PPP2R5E: variants seen among roughly 807,000 people sequenced by gnomAD.
PPP2R5E encodes the protein protein phosphatase 2 regulatory subunit B'epsilon, also known as serine/threonine-protein phosphatase 2A 56 kDa regulatory subunit epsilon isoform.
A neutral mutation model predicts 65.3 loss-of-function variants in PPP2R5E; 4 were observed. The ratio of observed to expected loss-of-function variants is 0.06; its 90% CI spans 0.03 to 0.14. PPP2R5E has a LOEUF of 0.14. PPP2R5E is among the 10% of genes least tolerant of loss of function. The pLI is 1.00. For missense variants in PPP2R5E, 274 were observed against 556.1 expected (o/e 0.49, Z 5.10); for synonymous variants, 183 against 187.4 (o/e 0.98, Z 0.19).
intron 2 of PPP2R5E, among the ~76,000 whole-genome samples, chr14:63,529,306 C>T (rs569731530): frequency 6.6e-6 from 1 of 151,822 alleles, no homozygotes; most frequent in Non-Finnish European, 1.5e-5. Flanking sequence ...CCGCCCACCT[C>T]AGCCTCCCAA....
In PPP2R5E at chr14:63,389,723, G is replaced by A. The variant is rs1884897770; in HGVS notation, c.963C>T (p.Phe321=). ...PKTCSQKEVM[F]LGELEEILDV... ...CCAATATTTCTTCCAGTTCCCCAAG[G>A]AACATGACCTGTAAGTACAAGCAAA... Residue 321 remains phenylalanine (F), a synonymous_variant, in exon 11 of 14, where the codon TTC becomes TTT. Transcript: ENST00000337537. The A allele has an allele frequency of 1.2e-6, 2 of 1,604,696 alleles. No homozygotes were observed. The highest frequency in any genetic ancestry group is 1.7e-4 in the Middle Eastern group (1 of 6,026).
chr14:63,458,565 C>T (rs1470996863), intron 2 of PPP2R5E, among the ~76,000 whole-genome samples: 1 of 152,086 alleles, frequency 6.6e-6, no homozygotes, highest in Non-Finnish European at 1.5e-5. Context: ...AGGAGGCCTA[C>T]ATCATTATAT....
At chr14:63,532,844 T>C (rs1242313168) in intron 2 of PPP2R5E, among the ~76,000 whole-genome samples, 1 of 152,152 alleles carries the variant, frequency 6.6e-6, no homozygotes, top group Non-Finnish European at 1.5e-5. Context: ...TAAAAGACTA[T>C]TCTTTTTTGA....
chr14:63,481,187 A>G (rs1007889164), intron 2 of PPP2R5E, among the ~76,000 whole-genome samples: 9 of 152,116 alleles, frequency 5.9e-5, no homozygotes, highest in Non-Finnish European at 1.2e-4. Flanking sequence ...CTCTATCACA[A>G]TAAAAAAGAA....
At chr14:63,528,553 A>C (rs1343963129) in intron 2 of PPP2R5E, among the ~76,000 whole-genome samples, 16 of 152,214 alleles carry the variant, frequency 1.1e-4, no homozygotes, top group Non-Finnish European at 2.9e-5. Context: ...GAATTACCAA[A>C]GCACAAACCC....
chr14:63,379,364 C>CG (rs1045625511), intron 13 of PPP2R5E, among the ~76,000 whole-genome samples: 1 of 152,064 alleles, frequency 6.6e-6, no homozygotes, highest in African/African-American at 2.4e-5. Context: ...CTCCCCTTCC[C>CG]GGGTTCAAGT....
intron 2 of PPP2R5E, among the ~76,000 whole-genome samples, chr14:63,496,282 C>T (rs1891562937): frequency 6.6e-6 from 1 of 151,920 alleles, no homozygotes; most frequent in African/African-American, 2.4e-5. Context: ...GCAGGCAGAT[C>T]ACCTGAGGTC....
intron 5 of PPP2R5E, among the ~76,000 whole-genome samples, chr14:63,412,256 T>G (rs538246339): frequency 6.6e-6 from 1 of 152,150 alleles, no homozygotes; most frequent in Non-Finnish European, 1.5e-5. Context: ...CTGGGCAACA[T>G]AGCAAGACCC....
intron 2 of PPP2R5E, among the ~76,000 whole-genome samples, chr14:63,464,960 T>C (rs903605366): frequency 2.0e-5 from 3 of 150,956 alleles, no homozygotes; most frequent in African/African-American, 7.3e-5. Flanking sequence ...GAGGCAGAGG[T>C]TGCAACGAGC....
intron 11 of PPP2R5E, among the ~76,000 whole-genome samples, chr14:63,389,380 GC>G (rs1884875047): frequency 6.6e-6 from 1 of 151,826 alleles, no homozygotes; most frequent in African/African-American, 2.4e-5. Context: ...AAAACATAAT[GC>G]CCTCCTTGCA....
chr14:63,380,097 G>T (rs923422960), intron 13 of PPP2R5E, among the ~76,000 whole-genome samples: 2 of 151,740 alleles, frequency 1.3e-5, no homozygotes, highest in African/African-American at 4.8e-5. Context: ...GCCTCCCAAA[G>T]TGATGGGATT....
Position 63,404,266 on chromosome 14 carries a change from C to T in PPP2R5E, c.550-7550G>A, listed in dbSNP as rs558186195. Among the ~76,000 whole-genome samples, 58 of 151,884 alleles carry T rather than the reference C, an allele frequency of 3.8e-4. No individual in the cohort carries two copies. In the South Asian group the frequency reaches 9.7e-3, roughly 25 times the overall value. ...CTGCTATAATAAAGAATTACCCTGCCCTATTCCATGTAAAGTAAGATTTTA... is the reference window on the plus strand; with the variant it reads ...CTGCTATAATAAAGAATTACCCTGCTCTATTCCATGTAAAGTAAGATTTTA... On this transcript the variant is annotated intron_variant, in intron 5 of 13. Transcript: ENST00000337537.
In PPP2R5E at chr14:63,403,720, A is replaced by G. The variant is rs190775216; in HGVS notation, c.550-7004T>C. ...GCTGTATGGTTACTCTCAGAGAATT[A>G]AAGCACACACTAGTGATGAATACAC... On this transcript the variant is annotated intron_variant, in intron 5 of 13. Coordinates refer to ENST00000337537, the MANE Select transcript of PPP2R5E (RefSeq NM_006246.5). Among the ~76,000 whole-genome samples the G allele has an allele frequency of 5.9e-5, 9 of 152,168 alleles. No homozygotes were observed. In the East Asian group the frequency reaches 1.2e-3, roughly 20 times the overall value.
rs1433454974 is a variant in PPP2R5E, at chr14:63,374,968, T to G, written c.*1041A>C. The G allele has an allele frequency of 6.6e-6, 1 of 152,472 alleles. No homozygotes were observed. Among genetic ancestry groups the G allele is most frequent in the South Asian group, 2.1e-4 (1 of 4,824 alleles). The allele number at this position is 152,472 out of a possible 1,614,324, so 9.4% of individuals were successfully genotyped here. ...ATCTACAAAAAACACTGTAACATGTTTGTTTTTTCCCAGAGGCTACATCCT... is the reference window on the plus strand; with the variant it reads ...ATCTACAAAAAACACTGTAACATGTGTGTTTTTTCCCAGAGGCTACATCCT... On this transcript the variant is annotated 3_prime_UTR_variant, in exon 14 of 14. Transcript: ENST00000337537.
chr14:63,507,770 G>A lies in PPP2R5E; in HGVS notation c.157+31759C>T, dbSNP rs190306137. On this transcript the variant is annotated intron_variant, in intron 2 of 13. Coordinates refer to ENST00000337537, the MANE Select transcript of PPP2R5E (RefSeq NM_006246.5). ...TTTTTTGTATTTTTTAGTAGAGACGGGGTTTCACCATGTTAGCCAGGATGG... is the reference window on the plus strand; with the variant it reads ...TTTTTTGTATTTTTTAGTAGAGACGAGGTTTCACCATGTTAGCCAGGATGG... Among the ~76,000 whole-genome samples the A allele has an allele frequency of 4.1e-4, 62 of 151,954 alleles. No homozygotes were observed. In the East Asian group the frequency reaches 9.1e-3, roughly 22 times the overall value.
intron 3 of PPP2R5E, among the ~76,000 whole-genome samples, chr14:63,426,945 GA>G (rs1887374735): frequency 6.6e-6 from 1 of 152,140 alleles, no homozygotes; most frequent in African/African-American, 2.4e-5. Flanking sequence ...TCCAATTTGG[GA>G]AAAGGCCAGT....
chr14:63,534,542 T>C (rs1893587792), intron 2 of PPP2R5E, among the ~76,000 whole-genome samples: 1 of 152,192 alleles, frequency 6.6e-6, no homozygotes, highest in African/African-American at 2.4e-5. Flanking sequence ...TTTACTTTCT[T>C]ATCAAGTAAG....
At position 63,375,957 on chromosome 14, in the gene PPP2R5E, C is replaced by T; in HGVS notation, c.*52G>A. On this transcript the variant is annotated 3_prime_UTR_variant, in exon 14 of 14. Coordinates refer to ENST00000337537, the MANE Select transcript of PPP2R5E (RefSeq NM_006246.5). ...CAGAAAACTGTTGCTCCATCTTCTACTACATAAACGTGTGACTCCACAGGT... is the reference window on the plus strand; with the variant it reads ...CAGAAAACTGTTGCTCCATCTTCTATTACATAAACGTGTGACTCCACAGGT... 1 of 1,286,298 alleles carries T rather than the reference C, an allele frequency of 7.8e-7. No individual in the cohort carries two copies. Among genetic ancestry groups the T allele is most frequent in the Non-Finnish European group, 1.1e-6 (1 of 897,144 alleles). 79.7% of individuals were successfully genotyped at this position (1,286,298 alleles called of 1,614,324 possible). A position where few individuals can be genotyped will look rare whatever the true frequency, so the allele number is the denominator to read the frequency against.
At chr14:63,425,921 T>G (rs1368438217) in intron 3 of PPP2R5E, among the ~76,000 whole-genome samples, 1 of 152,222 alleles carries the variant, frequency 6.6e-6, no homozygotes, top group African/African-American at 2.4e-5. Context: ...GGGTAAATAA[T>G]CCAAAAGGCA....
Sources: allele counts gnomAD v4.1 joint callset (sites outside exome capture counted in the v4.1 genomes callset), GRCh38; gene constraint gnomAD v4.1.1; transcripts MANE v1.5; gene names NCBI Gene and HGNC (gene_info 2026-07-23, HGNC 2026-07-21).